The following THSD7B variants were observed in gnomAD, a reference collection of about 807,000 sequenced individuals.
THSD7B encodes thrombospondin type-1 domain-containing protein 7B.
A neutral mutation model predicts 213.6 loss-of-function variants in THSD7B; 138 were observed. That is an observed-to-expected ratio of 0.65 (90% CI 0.56 to 0.74). The LOEUF (loss-of-function observed/expected upper bound fraction) is 0.74, where lower values mean the gene tolerates loss of function less well. Among genes scored for constraint, THSD7B ranks in the 30% least tolerant of loss-of-function variants. THSD7B has a pLI of 0.00. For synonymous variants in THSD7B, 742 were observed against 687.0 expected, an observed-to-expected ratio of 1.08 and a Z score of -1.25; for missense variants, 1,931 against 1,991.5, an observed-to-expected ratio of 0.97 and a Z score of 0.58.
At chr2:137,619,670 A>C (rs1310798491) in intron 19 of THSD7B, among the ~76,000 whole-genome samples, 1 of 152,242 alleles carries the variant, frequency 6.6e-6, no homozygotes, top group South Asian at 2.1e-4. Flanking sequence ...ATACAAAAAG[A>C]TATAAACTAT....
intron 15 of THSD7B, among the ~76,000 whole-genome samples, chr2:137,557,007 A>G (rs1260548570): frequency 1.3e-5 from 2 of 149,396 alleles, no homozygotes; most frequent in African/African-American, 2.6e-5. Context: ...CTAAATATAT[A>G]TGCACCCAAT....
Position 137,068,828 on chromosome 2 carries a change from G to A in THSD7B, c.950+11598G>A, listed in dbSNP as rs1186764922. Among the ~76,000 whole-genome samples, 5 of 151,948 alleles carry A rather than the reference G, an allele frequency of 3.3e-5. No homozygotes were observed. In the South Asian group the frequency reaches 8.3e-4, roughly 25 times the overall value. ...TCTGTTTTGATTATGGCTACTGTTG[G>A]TTATTATGTCATTTGGAACAGGAAG... On this transcript the variant is annotated intron_variant, in intron 3 of 27. Coordinates refer to ENST00000409968, the MANE Select transcript of THSD7B (RefSeq NM_001316349.2).
intron 20 of THSD7B, among the ~76,000 whole-genome samples, chr2:137,621,990 G>A (rs1329138482): frequency 6.6e-6 from 1 of 152,120 alleles, no homozygotes; most frequent in African/African-American, 2.4e-5. Flanking sequence ...GAGAAATAAT[G>A]CTGTGTTGCA....
At chr2:137,296,963 A>G (rs1383765814) in intron 12 of THSD7B, among the ~76,000 whole-genome samples, 4 of 151,918 alleles carry the variant, frequency 2.6e-5, no homozygotes, top group African/African-American at 9.7e-5. Context: ...AGATTCAAAT[A>G]TGTGGTTCAT....
chr2:137,338,047 G>T (rs1684678120), intron 12 of THSD7B, among the ~76,000 whole-genome samples: 1 of 152,088 alleles, frequency 6.6e-6, no homozygotes, highest in South Asian at 2.1e-4. Flanking sequence ...TGCTTCTAAA[G>T]ATTAGTAGGC....
At chr2:137,178,712 T>G (rs1386519405) in intron 7 of THSD7B, among the ~76,000 whole-genome samples, 1 of 152,206 alleles carries the variant, frequency 6.6e-6, no homozygotes, top group African/African-American at 2.4e-5. Flanking sequence ...GTGAATCAAT[T>G]TAAATGCTAA....
chr2:137,396,877 G>A (rs536671865), intron 12 of THSD7B, among the ~76,000 whole-genome samples: 1 of 151,306 alleles, frequency 6.6e-6, no homozygotes, highest in African/African-American at 2.4e-5. Flanking sequence ...ATTTAGGATA[G>A]TTAGCTCTTC....
At chr2:137,227,795 T>C (rs147838645) in intron 7 of THSD7B, among the ~76,000 whole-genome samples, 46 of 152,246 alleles carry the variant, frequency 3.0e-4, no homozygotes, top group East Asian at 7.7e-4. Flanking sequence ...TGTACAAATA[T>C]GAATAGTAAA....
intron 17 of THSD7B, among the ~76,000 whole-genome samples, chr2:137,599,987 A>C (rs1371070857): frequency 6.6e-6 from 1 of 152,002 alleles, no homozygotes; most frequent in African/African-American, 2.4e-5. Context: ...AATGCCCCTC[A>C]GCTTCCAGTT....
At chr2:136,851,949 A>ATATG (rs1312163166) in intron 1 of THSD7B, among the ~76,000 whole-genome samples, 2 of 151,624 alleles carry the variant, frequency 1.3e-5, no homozygotes, top group Non-Finnish European at 2.9e-5. Context: ...ATATATATAT[A>ATATG]TTTGTAGTAA....
intron 2 of THSD7B, among the ~76,000 whole-genome samples, chr2:136,952,089 G>A (rs1396118257): frequency 3.9e-5 from 6 of 151,934 alleles, no homozygotes; most frequent in Non-Finnish European, 7.4e-5. Context: ...AGCTGGTCTC[G>A]AACTCCTGTC....
chr2:137,368,291 C>T (rs1573988057), intron 12 of THSD7B, among the ~76,000 whole-genome samples: 1 of 151,988 alleles, frequency 6.6e-6, no homozygotes, highest in African/African-American at 2.4e-5. Flanking sequence ...GAATTTTACT[C>T]TGAAATTTCC....
At chr2:137,480,824 C>A (rs1205413168) in intron 15 of THSD7B, among the ~76,000 whole-genome samples, 1 of 152,234 alleles carries the variant, frequency 6.6e-6, no homozygotes, top group Non-Finnish European at 1.5e-5. Flanking sequence ...TCTTTGAAAT[C>A]AAATCAGAAT....
chr2:137,372,134 T>G (rs1385038703), intron 12 of THSD7B, among the ~76,000 whole-genome samples: 1 of 152,010 alleles, frequency 6.6e-6, no homozygotes, highest in Non-Finnish European at 1.5e-5. Flanking sequence ...CCCTTTCCTC[T>G]TGTACTGAAT....
rs1167697175 is a variant in THSD7B, at chr2:137,056,755, T to C, written c.475T>C (p.Cys159Arg). The change falls in exon 3 of 28, where the codon TGC becomes CGC. Residue 159 changes from cysteine to arginine, a missense_variant. Physicochemically the swap from Cys to Arg is radical, Grantham distance 180. Coordinates refer to ENST00000409968, the MANE Select transcript of THSD7B (RefSeq NM_001316349.2). ...CCGAACTGTGGTTGCAAATGAAATATGCGAACACTTTGCCCTTCAGCCTCC... is the reference window on the plus strand; with the variant it reads ...CCGAACTGTGGTTGCAAATGAAATACGCGAACACTTTGCCCTTCAGCCTCC... ...LNRTVVANEICEHFALQPPTE... is the reference protein window; with the variant it reads ...LNRTVVANEIREHFALQPPTE... The C allele has an allele frequency of 1.2e-6, 2 of 1,613,986 alleles. No homozygotes were observed. Among genetic ancestry groups the C allele is most frequent in the Admixed American group, 3.3e-5 (2 of 60,022 alleles).
chr2:137,254,375 G>A (rs1682256577), intron 10 of THSD7B, among the ~76,000 whole-genome samples: 2 of 152,192 alleles, frequency 1.3e-5, no homozygotes, highest in South Asian at 4.1e-4. Flanking sequence ...CAGATCACAC[G>A]AATGTGGTGA....
At chr2:137,343,931 C>G (rs1323866657) in intron 12 of THSD7B, among the ~76,000 whole-genome samples, 1 of 151,718 alleles carries the variant, frequency 6.6e-6, no homozygotes, top group Non-Finnish European at 1.5e-5. Context: ...AAGCACTAAT[C>G]TCAAATACAC....
chr2:136,811,025 A>G (rs980271094), intron 1 of THSD7B, among the ~76,000 whole-genome samples: 8 of 152,176 alleles, frequency 5.3e-5, no homozygotes, highest in African/African-American at 1.7e-4. Flanking sequence ...ACCCAACTTG[A>G]CAGAAGTTGG....
Position 137,170,949 on chromosome 2 carries a change from G to T in THSD7B, c.1723+11G>T. The stretch of plus-strand genomic sequence containing the variant: ...GCCAGAATGACCGCGGTATGACCCA[G>T]TGACCCACTAGAGGTGTTAGGATGT... On this transcript the variant is annotated intron_variant, in intron 7 of 27. Transcript: ENST00000409968. The T allele has an allele frequency of 1.2e-6, 2 of 1,611,654 alleles. No individual in the cohort carries two copies. The highest frequency in any genetic ancestry group is 1.7e-6 in the Non-Finnish European group (2 of 1,179,532).
Sources: allele counts gnomAD v4.1 joint callset (sites outside exome capture counted in the v4.1 genomes callset), GRCh38; gene constraint gnomAD v4.1.1; transcripts MANE v1.5; gene names NCBI Gene and HGNC (gene_info 2026-07-23, HGNC 2026-07-21).